Variants in CUEDC1 observed in about 807,000 individuals in gnomAD.
CUEDC1 encodes CUE domain containing 1, also known as CUE domain-containing protein 1.
A neutral mutation model predicts 43.7 loss-of-function variants in CUEDC1; 30 were observed. The observed-to-expected ratio is 0.69, with a 90% CI of 0.51 to 0.93. The LOEUF is 0.93. Ranked by LOEUF, CUEDC1 falls within the 40% of genes least tolerant of loss-of-function variation. CUEDC1 has a pLI of 0.00. For missense variants in CUEDC1, 486 were observed against 549.0 expected (o/e 0.89, Z 1.15); for synonymous variants, 223 against 223.6 (o/e 1.00, Z 0.02).
intron 1 of CUEDC1, among the ~76,000 whole-genome samples, chr17:57,929,057 C>T (rs888088773): frequency 3.3e-5 from 5 of 152,062 alleles, no homozygotes; most frequent in Admixed American, 6.5e-5. Context: ...TAAAGGCCAC[C>T]GTCTGTCTAA....
intron 1 of CUEDC1, among the ~76,000 whole-genome samples, chr17:57,943,007 G>A (rs2074930974): frequency 6.6e-6 from 1 of 150,470 alleles, no homozygotes; most frequent in South Asian, 2.1e-4. Flanking sequence ...CAGCCTGGGT[G>A]ACGGAGTGAG....
At chr17:57,885,957 A>C in intron 1 of CUEDC1, 78 bp from the exon 2 acceptor site, 1 of 167,614 alleles carries the variant, frequency 6.0e-6, no homozygotes, top group Non-Finnish European at 1.3e-5. Flanking sequence ...GCTACTAAGA[A>C]ATGAGGGCAG....
chr17:57,950,302 C>G (rs1485676684), intron 1 of CUEDC1, among the ~76,000 whole-genome samples: 1 of 151,744 alleles, frequency 6.6e-6, no homozygotes, highest in Non-Finnish European at 1.5e-5. Context: ...AGGCGCCTGC[C>G]GCCAAACCTG....
chr17:57,923,681 T>C (rs1245158384), intron 1 of CUEDC1, among the ~76,000 whole-genome samples: 1 of 152,218 alleles, frequency 6.6e-6, no homozygotes, highest in Non-Finnish European at 1.5e-5. Flanking sequence ...AAAGGCACAG[T>C]TGATGGGCTC....
At chr17:57,951,519 T>G (rs1030586960) in intron 1 of CUEDC1, among the ~76,000 whole-genome samples, 3 of 151,966 alleles carry the variant, frequency 2.0e-5, no homozygotes, top group Non-Finnish European at 4.4e-5. Context: ...AGTCCAGTGG[T>G]GCAATCTCAG....
chr17:57,896,348 ATCC>A (rs2074407771), intron 1 of CUEDC1, among the ~76,000 whole-genome samples: 1 of 152,212 alleles, frequency 6.6e-6, no homozygotes, highest in Non-Finnish European at 1.5e-5. Context: ...CATTATCAGC[ATCC>A]TCCTCTCTCT....
At chr17:57,893,217 G>A (rs1312539075) in intron 1 of CUEDC1, among the ~76,000 whole-genome samples, 2 of 152,140 alleles carry the variant, frequency 1.3e-5, no homozygotes, top group South Asian at 4.1e-4. Flanking sequence ...CTGCATTCTC[G>A]GCCAATTGTC....
At chr17:57,873,544 T>C (rs2074065584) in intron 4 of CUEDC1, 47 bp downstream of exon 4, 2 of 1,502,500 alleles carry the variant, frequency 1.3e-6, no homozygotes, top group Non-Finnish European at 1.8e-6. Context: ...CAAAGAGAGA[T>C]GCTGGACAAG....
chr17:57,890,767 C>T (rs1000689761), intron 1 of CUEDC1, among the ~76,000 whole-genome samples: 4 of 152,230 alleles, frequency 2.6e-5, no homozygotes, highest in African/African-American at 9.6e-5. Flanking sequence ...TGGCCTTGCC[C>T]AAGGTCATCC....
At chr17:57,879,503 T>C in intron 3 of CUEDC1, 108 bp downstream of exon 3, 1 of 1,336,192 alleles carries the variant, frequency 7.5e-7, no homozygotes, top group Non-Finnish European at 9.6e-7. Context: ...AGCCTGTTCT[T>C]TGAAATATAC....
chr17:57,890,191 C>T (rs758924904), intron 1 of CUEDC1, among the ~76,000 whole-genome samples: 3 of 151,994 alleles, frequency 2.0e-5, no homozygotes, highest in African/African-American at 7.3e-5. Context: ...TCCTAAGAGG[C>T]AAAAAATGCC....
chr17:57,885,547 G>A lies in CUEDC1; in HGVS notation c.18C>T (p.Arg6=), dbSNP rs1382435913. 4.4e-6 allele frequency: 6 copies of A among 1,372,446 alleles called. No individual in the cohort carries two copies. The highest frequency in any genetic ancestry group is 5.6e-6 in the Non-Finnish European group (6 of 1,070,240). 85.0% of individuals were successfully genotyped at this position (1,372,446 alleles called of 1,614,324 possible). A position where few individuals can be genotyped will look rare whatever the true frequency, so the allele number is the denominator to read the frequency against. MTSLF[R]RSSSGSGGGG... is the part of the protein sequence containing the mutation. ...CCCCGCCGCTGCCGCTGCTGCTCCG[G>A]CGGAACAGGCTGGTCATTTTGCGGA... Residue 6 remains arginine, a synonymous_variant, in exon 2 of 11, where the codon CGC becomes CGT. Coordinates refer to ENST00000577830, the MANE Select transcript of CUEDC1 (RefSeq NM_001271875.2).
At chr17:57,931,557 G>A (rs899081044) in intron 1 of CUEDC1, among the ~76,000 whole-genome samples, 4 of 152,134 alleles carry the variant, frequency 2.6e-5, no homozygotes, top group African/African-American at 7.2e-5. Flanking sequence ...CTGCAGTGGG[G>A]GGAAAGAGAG....
chr17:57,889,357 T>G (rs1016025629), intron 1 of CUEDC1, among the ~76,000 whole-genome samples: 1 of 152,100 alleles, frequency 6.6e-6, no homozygotes, highest in African/African-American at 2.4e-5. Context: ...AGCACCTGGA[T>G]GTCAATCCCT....
chr17:57,945,340 A>G (rs2074950928), intron 1 of CUEDC1, among the ~76,000 whole-genome samples: 1 of 152,210 alleles, frequency 6.6e-6, no homozygotes, highest in Admixed American at 6.5e-5. Context: ...ACCTTTAAAC[A>G]CTAGTAAATA....
chr17:57,895,790 C>A (rs1292020144), intron 1 of CUEDC1, among the ~76,000 whole-genome samples: 1 of 152,168 alleles, frequency 6.6e-6, no homozygotes, highest in Non-Finnish European at 1.5e-5. Flanking sequence ...AAAGGGCCCA[C>A]GCTGGAGGAA....
intron 10 of CUEDC1, 33 bp from the exon 11 acceptor site, chr17:57,863,318 T>C (rs2073908273): frequency 6.6e-6 from 1 of 152,490 alleles, no homozygotes; most frequent in African/African-American, 2.4e-5. Flanking sequence ...GGAGGAATCT[T>C]TTTCAAAGGA....
At chr17:57,889,613 C>T (rs533449847) in intron 1 of CUEDC1, among the ~76,000 whole-genome samples, 2 of 152,144 alleles carry the variant, frequency 1.3e-5, no homozygotes, top group South Asian at 2.1e-4. Context: ...GGGAGTTGCC[C>T]AAGGACACAC....
Position 57,871,449 on chromosome 17 carries a change from T to C in CUEDC1, c.785-80A>G. The stretch of plus-strand genomic sequence containing the variant: ...GCAGGCTGGGCTGGGACACGGTAGT[T>C]TGCTAGAGGCTAAGTCCCCAGAATC... On this transcript the variant is annotated intron_variant, in intron 5 of 10. Transcript: ENST00000577830. 3.4e-6 allele frequency: 4 copies of C among 1,176,022 alleles called. No individual in the cohort carries two copies. In the South Asian group the frequency reaches 4.9e-5, roughly 15 times the overall value. The allele number at this position is 1,176,022 out of a possible 1,614,324, so 72.8% of individuals were successfully genotyped here.
Sources: allele counts gnomAD v4.1 joint callset (sites outside exome capture counted in the v4.1 genomes callset), GRCh38; gene constraint gnomAD v4.1.1; transcripts MANE v1.5; gene names NCBI Gene and HGNC (gene_info 2026-07-23, HGNC 2026-07-21).